LRRTM4: variants seen among roughly 807,000 people sequenced by gnomAD.
LRRTM4 encodes the protein leucine rich repeat transmembrane neuronal 4.
A neutral mutation model predicts 47.6 loss-of-function variants in LRRTM4; 25 were observed. That is an observed-to-expected ratio of 0.53 (90% CI 0.38 to 0.73). LRRTM4 has a LOEUF of 0.73. Ranked by LOEUF, LRRTM4 falls within the 30% of genes least tolerant of loss-of-function variation. LRRTM4 has a pLI of 0.00. For synonymous variants in LRRTM4, 311 were observed against 269.5 expected, an observed-to-expected ratio of 1.15 and a Z score of -1.51; for missense variants, 638 against 713.4, an observed-to-expected ratio of 0.89 and a Z score of 1.20.
intron 3 of LRRTM4, among the ~76,000 whole-genome samples, chr2:77,141,706 G>T (rs1405006890): frequency 6.6e-6 from 1 of 152,166 alleles, no homozygotes; most frequent in African/African-American, 2.4e-5. Context: ...TTTCTGAAAT[G>T]AGTTGCTAAA....
At chr2:77,413,294 C>T (rs1270772687) in intron 3 of LRRTM4, among the ~76,000 whole-genome samples, 3 of 152,118 alleles carry the variant, frequency 2.0e-5, no homozygotes, top group Non-Finnish European at 4.4e-5. Context: ...TGCGAAGGCT[C>T]AAATGAGGTC....
At chr2:77,088,558 CT>C (rs10706200) in intron 3 of LRRTM4, among the ~76,000 whole-genome samples, 6,932 of 152,210 alleles carry the variant, frequency 0.046, 183 homozygotes, top group South Asian at 0.082. Flanking sequence ...GGCCCCACCC[CT>C]ATCTCCATTC....
chr2:77,466,664 T>C (rs1402874984), intron 3 of LRRTM4, among the ~76,000 whole-genome samples: 1 of 151,394 alleles, frequency 6.6e-6, no homozygotes, highest in Non-Finnish European at 1.5e-5. Context: ...TCCAATAAAA[T>C]ATTTGGTGCT....
chr2:76,992,379 A>T (rs1427053927), intron 3 of LRRTM4, among the ~76,000 whole-genome samples: 2 of 151,818 alleles, frequency 1.3e-5, no homozygotes, highest in Non-Finnish European at 2.9e-5. Flanking sequence ...ATACCTAGAA[A>T]ACCCTAAAGA....
chr2:76,934,510 G>A (rs894555643), intron 3 of LRRTM4, among the ~76,000 whole-genome samples: 7 of 152,276 alleles, frequency 4.6e-5, no homozygotes, highest in Middle Eastern at 3.4e-3. Flanking sequence ...ATTTAATGGT[G>A]TGCTGGTAAA....
chr2:77,252,747 T>C (rs1445062238), intron 3 of LRRTM4, among the ~76,000 whole-genome samples: 5 of 152,064 alleles, frequency 3.3e-5, no homozygotes, highest in Non-Finnish European at 7.4e-5. Context: ...AGAAAAACGT[T>C]GCGTGCCTCT....
At chr2:77,485,172 A>G (rs1190026805) in intron 3 of LRRTM4, among the ~76,000 whole-genome samples, 1 of 152,110 alleles carries the variant, frequency 6.6e-6, no homozygotes, top group African/African-American at 2.4e-5. Flanking sequence ...AATATAAAAT[A>G]TAGATATTTA....
chr2:77,167,759 A>T (rs1672928568), intron 3 of LRRTM4, among the ~76,000 whole-genome samples: 1 of 152,130 alleles, frequency 6.6e-6, no homozygotes. Context: ...CAATGAGAAC[A>T]TTTGGACACA....
chr2:76,794,468 C>CACAACTA (rs1675155021), intron 3 of LRRTM4, among the ~76,000 whole-genome samples: 1 of 152,052 alleles, frequency 6.6e-6, no homozygotes, highest in South Asian at 2.1e-4. Flanking sequence ...ATAGTTTTTT[C>CACAACTA]TTTCTTTCAA....
At chr2:76,811,060 A>T (rs1192077428) in intron 3 of LRRTM4, among the ~76,000 whole-genome samples, 1 of 152,200 alleles carries the variant, frequency 6.6e-6, no homozygotes, top group Non-Finnish European at 1.5e-5. Flanking sequence ...AAAAGTCCTT[A>T]TTCTAACCAA....
chr2:77,209,359 A>G (rs1674228436), intron 3 of LRRTM4, among the ~76,000 whole-genome samples: 1 of 152,048 alleles, frequency 6.6e-6, no homozygotes, highest in African/African-American at 2.4e-5. Context: ...GTGAAGACAT[A>G]TGGACCACAG....
intron 3 of LRRTM4, among the ~76,000 whole-genome samples, chr2:77,218,506 A>C (rs965465170): frequency 4.8e-5 from 2 of 42,086 alleles, no homozygotes; most frequent in African/African-American, 1.6e-4. Flanking sequence ...GTTCTGCTTT[A>C]TTTATTTATT....
intron 3 of LRRTM4, among the ~76,000 whole-genome samples, chr2:77,038,349 C>T (rs906842357): frequency 1.1e-4 from 17 of 150,476 alleles, no homozygotes; most frequent in African/African-American, 4.0e-4. Flanking sequence ...TTCACTTGAC[C>T]TTAGGCATGT....
At chr2:77,293,094 T>C (rs1302916595) in intron 3 of LRRTM4, among the ~76,000 whole-genome samples, 1 of 151,986 alleles carries the variant, frequency 6.6e-6, no homozygotes, top group Non-Finnish European at 1.5e-5. Context: ...TCAAATTCTC[T>C]TGGAAATGTA....
Position 76,979,541 on chromosome 2 carries a change from G to GTATATATATACATATATATATATATATA in LRRTM4, c.1552-230626_1552-230625insTATATATATATATATATGTATATATATA, listed in dbSNP as rs71245361. Reference sequence around the variant, plus strand: ...ATTCAGACTGCAAAACTGAATTTCTGTATATATATATGCTCTTCCTCTATA... The same window carrying GTATATATATACATATATATATATATATA: ...ATTCAGACTGCAAAACTGAATTTCTGTATATATATACATATATATATATATATATATATATATATGCTCTTCCTCTATA... On this transcript the variant is annotated intron_variant, in intron 3 of 3. Transcript: ENST00000409884. Among the ~76,000 whole-genome samples, 4 of 126,904 alleles carry GTATATATATACATATATATATATATATA rather than the reference G, an allele frequency of 3.2e-5. 1 individual carries two copies. Among genetic ancestry groups the GTATATATATACATATATATATATATATA allele is most frequent in the African/African-American group, 1.4e-4 (4 of 29,192 alleles). The allele number at this position is 126,904 out of a possible 152,430, so 83.3% of individuals were successfully genotyped here.
intron 3 of LRRTM4, among the ~76,000 whole-genome samples, chr2:76,940,559 C>G (rs1187840643): frequency 6.6e-6 from 1 of 151,990 alleles, no homozygotes; most frequent in Non-Finnish European, 1.5e-5. Context: ...ACATGGGTGA[C>G]AAAATAATCT....
At chr2:77,001,388 G>C (rs541341465) in intron 3 of LRRTM4, among the ~76,000 whole-genome samples, 1 of 152,092 alleles carries the variant, frequency 6.6e-6, no homozygotes, top group East Asian at 1.9e-4. Context: ...CAATTCCCAG[G>C]AAAGTGATCT....
rs573234551 is a variant in LRRTM4, at chr2:76,906,314, C to T, written c.1552-157398G>A. On this transcript the variant is annotated intron_variant, in intron 3 of 3. Coordinates refer to ENST00000409884, the MANE Select transcript of LRRTM4 (RefSeq NM_001134745.3). ...CAAATGCTCAGAGATTTTGTCACCACCAGGCCTGCCCTAAAAGAGCTCCTG... is the reference window on the plus strand; with the variant it reads ...CAAATGCTCAGAGATTTTGTCACCATCAGGCCTGCCCTAAAAGAGCTCCTG... Among the ~76,000 whole-genome samples the T allele has an allele frequency of 2.6e-5, 4 of 151,982 alleles. No individual in the cohort carries two copies. In the South Asian group the frequency reaches 8.4e-4, roughly 32 times the overall value.
At chr2:77,484,945 G>A (rs1677852568) in intron 3 of LRRTM4, among the ~76,000 whole-genome samples, 2 of 152,180 alleles carry the variant, frequency 1.3e-5, no homozygotes, top group South Asian at 2.1e-4. Context: ...GTATCTAGGT[G>A]TTGAAACTTT....
Sources: allele counts gnomAD v4.1 joint callset (sites outside exome capture counted in the v4.1 genomes callset), GRCh38; gene constraint gnomAD v4.1.1; transcripts MANE v1.5; gene names NCBI Gene and HGNC (gene_info 2026-07-23, HGNC 2026-07-21).